Variants in CCDC33 observed in about 807,000 individuals in gnomAD.
The protein encoded by CCDC33 is coiled-coil domain-containing protein 33.
In CCDC33, 94 loss-of-function variants were observed where a neutral mutation model predicts 91.9. The ratio of observed to expected loss-of-function variants is 1.02; its 90% CI spans 0.87 to 1.21. CCDC33 has a LOEUF of 1.21. CCDC33 is among the 50% of genes most tolerant of loss of function. The pLI is 0.00. For synonymous variants in CCDC33, 396 were observed against 374.5 expected, an observed-to-expected ratio of 1.06 and a Z score of -0.66; for missense variants, 940 against 935.5, an observed-to-expected ratio of 1.00 and a Z score of -0.06.
chr15:74,273,147 C>T (rs951043589), intron 7 of CCDC33, among the ~76,000 whole-genome samples: 1 of 152,246 alleles, frequency 6.6e-6, no homozygotes, highest in African/African-American at 2.4e-5. Flanking sequence ...TAATAACAAA[C>T]TGGGAGGGCC....
intron 1 of CCDC33, among the ~76,000 whole-genome samples, chr15:74,204,308 G>A (rs941335152): frequency 1.4e-4 from 21 of 152,182 alleles, no homozygotes; most frequent in Admixed American, 1.2e-3. Context: ...GATGCTCAGC[G>A]CCTGGCCCTT....
At chr15:74,282,546 G>A (rs1313946591) in intron 10 of CCDC33, among the ~76,000 whole-genome samples, 1 of 152,218 alleles carries the variant, frequency 6.6e-6, no homozygotes, top group Non-Finnish European at 1.5e-5. Context: ...AGGGATTTTA[G>A]AGGGGCTGGT....
At chr15:74,229,235 G>C (rs2074895446) in intron 2 of CCDC33, among the ~76,000 whole-genome samples, 1 of 152,220 alleles carries the variant, frequency 6.6e-6, no homozygotes. Context: ...GCTCACGTCT[G>C]TAATCCCAGC....
At chr15:74,322,918 C>T (rs1041681131) in intron 11 of CCDC33, among the ~76,000 whole-genome samples, 3 of 152,188 alleles carry the variant, frequency 2.0e-5, no homozygotes, top group Non-Finnish European at 4.4e-5. Flanking sequence ...CCTCTGCACC[C>T]ACTTCAACAC....
intron 2 of CCDC33, among the ~76,000 whole-genome samples, chr15:74,260,521 A>T (rs1270485468): frequency 1.3e-5 from 2 of 152,194 alleles, no homozygotes; most frequent in African/African-American, 2.4e-5. Flanking sequence ...AATAACATGA[A>T]CTGGGGCTTT....
At chr15:74,231,802 G>A (rs1313354167), upstream of CCDC33, among the ~76,000 whole-genome samples, 1 of 152,136 alleles carries the variant, frequency 6.6e-6, no homozygotes, top group Non-Finnish European at 1.5e-5. Flanking sequence ...GATCACTTGA[G>A]GTCAGGAGTT....
At chr15:74,303,561 T>C (rs11635550) in intron 11 of CCDC33, 72,139 of 152,562 alleles carry the variant, frequency 0.47, 19,601 homozygotes, top group Non-Finnish European at 0.61. Context: ...TCCTGCTGTG[T>C]CCCCTCAGTC....
chr15:74,219,870 T>C (rs2074544013), intron 2 of CCDC33, among the ~76,000 whole-genome samples: 1 of 151,928 alleles, frequency 6.6e-6, no homozygotes, highest in African/African-American at 2.4e-5. Context: ...AAGGGAGAGG[T>C]TCCGCTGGCA....
chr15:74,214,774 T>C (rs1015435255), upstream of CCDC33, among the ~76,000 whole-genome samples: 1 of 152,176 alleles, frequency 6.6e-6, no homozygotes, highest in African/African-American at 2.4e-5. Context: ...GAGTCTAAAT[T>C]TGACTCAAAA....
intron 11 of CCDC33, among the ~76,000 whole-genome samples, chr15:74,325,497 G>C (rs762333366): frequency 1.1e-4 from 16 of 152,032 alleles, no homozygotes; most frequent in Non-Finnish European, 2.2e-4. Context: ...GCTCTCCTCT[G>C]TCACAGATGT....
intron 1 of CCDC33, among the ~76,000 whole-genome samples, chr15:74,240,603 C>CT (rs1207221980): frequency 3.9e-5 from 6 of 151,938 alleles, no homozygotes; most frequent in East Asian, 1.9e-4. Context: ...AAACCTAGGT[C>CT]TTTTTTTTGT....
Position 74,281,801 on chromosome 15 carries a change from T to C in CCDC33, c.1047T>C (p.Asn349=). The C allele has an allele frequency of 6.2e-7, 1 of 1,614,048 alleles. No homozygotes were observed. Among genetic ancestry groups the C allele is most frequent in the Admixed American group, 1.7e-5 (1 of 60,018 alleles). Residue 349 remains asparagine (N), a synonymous_variant, in exon 10 of 19, where the codon AAT becomes AAC. Coordinates refer to ENST00000398814, the MANE Select transcript of CCDC33 (RefSeq NM_025055.5). ...PIMDTSLKTI[N]DEAPTVALSF... Reference sequence around the variant, plus strand: ...AGGACACCAGCCTGAAAACTATCAATGATGAGGCCCCCACAGTGGCTCTCT... The same window carrying C: ...AGGACACCAGCCTGAAAACTATCAACGATGAGGCCCCCACAGTGGCTCTCT...
chr15:74,277,521 A>G (rs1164149826), intron 7 of CCDC33, among the ~76,000 whole-genome samples: 1 of 152,208 alleles, frequency 6.6e-6, no homozygotes, highest in Non-Finnish European at 1.5e-5. Context: ...ATGACATTCC[A>G]TAATTCCACT....
chr15:74,273,178 A>G (rs2076366368), intron 7 of CCDC33, among the ~76,000 whole-genome samples: 1 of 152,252 alleles, frequency 6.6e-6, no homozygotes. Context: ...ATCACATCAG[A>G]GGAGAAGATA....
Position 74,209,567 on chromosome 15 carries a change from C to G in CCDC33, n.236+33C>G. On this transcript the variant is annotated intron_variant and non_coding_transcript_variant, in intron 2 of 3. Coordinates refer to the CCDC33 transcript ENST00000558645. ...CTATTCCCAGGGGAAGTGAAAAAGG[C>G]CCCCTCGGAGCTTTCTCTTCTATTT... The G allele has an allele frequency of 7.3e-6, 6 of 822,768 alleles. No homozygotes were observed. The Admixed American group carries it at 1.7e-4, about 23-fold the overall frequency. The allele number at this position is 822,768 out of a possible 1,614,324, so 51.0% of individuals were successfully genotyped here. A position where few individuals can be genotyped will look rare whatever the true frequency, so the allele number is the denominator to read the frequency against.
At chr15:74,293,584 TGTCTTCAC>T (rs1460903050) in intron 10 of CCDC33, among the ~76,000 whole-genome samples, 2 of 152,164 alleles carry the variant, frequency 1.3e-5, no homozygotes, top group African/African-American at 2.4e-5. Context: ...CTACCCTGGG[TGTCTTCAC>T]GTCAGTGGGG....
chr15:74,211,906 T>TATCA (rs1024323159), intron 2 of CCDC33, among the ~76,000 whole-genome samples: 7 of 152,172 alleles, frequency 4.6e-5, no homozygotes, highest in Admixed American at 4.6e-4. Flanking sequence ...GTTTTCTCTC[T>TATCA]ATCACTCTCT....
intron 11 of CCDC33, among the ~76,000 whole-genome samples, chr15:74,322,266 G>T (rs757730033): frequency 9.8e-5 from 15 of 152,344 alleles, no homozygotes; most frequent in Non-Finnish European, 1.9e-4. Flanking sequence ...CCACGGCACA[G>T]CAGGTCTAAG....
intron 2 of CCDC33, among the ~76,000 whole-genome samples, chr15:74,250,717 A>G (rs1315651072): frequency 1.3e-5 from 2 of 152,206 alleles, no homozygotes; most frequent in Admixed American, 1.3e-4. Flanking sequence ...TATTCCTATC[A>G]TGAAACACAG....
Sources: allele counts gnomAD v4.1 joint callset (sites outside exome capture counted in the v4.1 genomes callset), GRCh38; gene constraint gnomAD v4.1.1; transcripts MANE v1.5; gene names NCBI Gene and HGNC (gene_info 2026-07-23, HGNC 2026-07-21).